The following INPP5A variants were observed in gnomAD, a reference collection of about 807,000 sequenced individuals.
The protein encoded by INPP5A is inositol polyphosphate-5-phosphatase A, also known as 43 kDa inositol polyphosphate 5-phophatase.
Under a neutral mutation model 65.2 loss-of-function variants are expected in INPP5A, and 14 were observed. The observed-to-expected ratio is 0.21, with a 90% CI of 0.14 to 0.34. INPP5A has a LOEUF of 0.34. Ranked by LOEUF, INPP5A falls within the 10% of genes least tolerant of loss-of-function variation. INPP5A has a pLI of 1.00. For missense variants in INPP5A, 431 were observed against 545.6 expected (o/e 0.79, Z 2.09); for synonymous variants, 207 against 208.3 (o/e 0.99, Z 0.05).
At chr10:132,609,429 G>A (rs1027776364) in intron 2 of INPP5A, among the ~76,000 whole-genome samples, 4 of 152,096 alleles carry the variant, frequency 2.6e-5, no homozygotes, top group Admixed American at 1.3e-4. Flanking sequence ...GTCTTGCTGC[G>A]TGTGCCTGTC....
Position 132,782,116 on chromosome 10 carries a change from G to C in INPP5A, c.*87G>C. ...GACCGAATACGCACTCTTGAAAGCTGCATCGAGAACCCGCCCAAGCGCCAC... is the reference window on the plus strand; with the variant it reads ...GACCGAATACGCACTCTTGAAAGCTCCATCGAGAACCCGCCCAAGCGCCAC... On this transcript the variant is annotated 3_prime_UTR_variant, in exon 16 of 16. Coordinates refer to ENST00000368594, the MANE Select transcript of INPP5A (RefSeq NM_005539.5). This position sits in a 1 kb window ranked among gnomAD's most constrained non-coding sequence, Gnocchi z 4.4. 1 of 1,533,142 alleles carries C rather than the reference G, an allele frequency of 6.5e-7. No homozygotes were observed. Among genetic ancestry groups the C allele is most frequent in the Non-Finnish European group, 8.8e-7 (1 of 1,135,746 alleles). 95.0% of individuals were successfully genotyped at this position (1,533,142 alleles called of 1,614,324 possible).
At chr10:132,664,064 G>A (rs541745519) in intron 4 of INPP5A, among the ~76,000 whole-genome samples, 1 of 152,306 alleles carries the variant, frequency 6.6e-6, no homozygotes, top group Non-Finnish European at 1.5e-5. Context: ...AGCATTTTTT[G>A]ACAGAAAATC....
At chr10:132,613,453 C>T (rs1158930964) in intron 2 of INPP5A, among the ~76,000 whole-genome samples, 4 of 152,210 alleles carry the variant, frequency 2.6e-5, no homozygotes, top group African/African-American at 7.2e-5. Flanking sequence ...TTATGAAAGA[C>T]AGTAGAGTCA....
chr10:132,588,471 G>C (rs1021161516), intron 1 of INPP5A, among the ~76,000 whole-genome samples: 23 of 152,212 alleles, frequency 1.5e-4, no homozygotes, highest in African/African-American at 5.5e-4. Context: ...ATTTTTAGCT[G>C]CAATGTATTT....
intron 3 of INPP5A, among the ~76,000 whole-genome samples, chr10:132,649,362 A>T (rs1012914608): frequency 6.6e-6 from 1 of 152,018 alleles, no homozygotes; most frequent in South Asian, 2.1e-4. Context: ...GTTTCTGTTG[A>T]CGGCTTCTTC....
intron 1 of INPP5A, among the ~76,000 whole-genome samples, chr10:132,599,791 G>T (rs550906326): frequency 3.9e-4 from 60 of 152,380 alleles, no homozygotes; most frequent in Middle Eastern, 6.8e-3. Flanking sequence ...CCAAACCTCA[G>T]TTCTTGTCTT....
At position 132,749,499 on chromosome 10, in the gene INPP5A, G is replaced by C. The variant is rs368787333; in HGVS notation, c.733-18G>C. 1 of 1,611,744 alleles carries C rather than the reference G, an allele frequency of 6.2e-7. No homozygotes were observed. The highest frequency in any genetic ancestry group is 2.2e-5 in the East Asian group (1 of 44,876). On this transcript the variant is annotated intron_variant, in intron 9 of 15. Transcript: ENST00000368594. ...GTGGGCCCCCCTGGGACTTATCTCC[G>C]TTGCTGTCTTTCTGCAGACGCTCTG...
chr10:132,581,676 A>G (rs1292161574), intron 1 of INPP5A, among the ~76,000 whole-genome samples: 2 of 152,034 alleles, frequency 1.3e-5, no homozygotes, highest in African/African-American at 4.8e-5. Context: ...TTGACCATTC[A>G]TGTATTTCTT....
At position 132,650,248 on chromosome 10, in the gene INPP5A, G is replaced by A. The variant is rs2072556374; in HGVS notation, c.219-170G>A. On this transcript the variant is annotated intron_variant, in intron 3 of 15. Transcript: ENST00000368594. The surrounding 1 kb of genome is among the most constrained non-coding windows in gnomAD (Gnocchi z 5.5). Reference sequence around the variant, plus strand: ...GCACATGCTGAGAGCTGAACGTGAGGCCAGCTCCTGCGGTGGCTGCCGCCA... The same window carrying A: ...GCACATGCTGAGAGCTGAACGTGAGACCAGCTCCTGCGGTGGCTGCCGCCA... Among the ~76,000 whole-genome samples, 1 of 152,184 alleles carries A rather than the reference G, an allele frequency of 6.6e-6. No individual in the cohort carries two copies. The highest frequency in any genetic ancestry group is 1.5e-5 in the Non-Finnish European group (1 of 68,026).
At chr10:132,766,626 CAT>C (rs1338584489) in intron 12 of INPP5A, among the ~76,000 whole-genome samples, 36 of 152,174 alleles carry the variant, frequency 2.4e-4, no homozygotes, top group African/African-American at 8.0e-4. Context: ...TGAGTGAGAA[CAT>C]GTGTGACGTG....
At chr10:132,628,480 G>A (rs532214255) in intron 2 of INPP5A, among the ~76,000 whole-genome samples, 4 of 127,750 alleles carry the variant, frequency 3.1e-5, no homozygotes, top group Admixed American at 1.6e-4. Flanking sequence ...GGGGGGGGGC[G>A]TGGCGTGGGG....
At chr10:132,685,274 A>G (rs2073100670) in intron 4 of INPP5A, among the ~76,000 whole-genome samples, 1 of 152,182 alleles carries the variant, frequency 6.6e-6, no homozygotes, top group Non-Finnish European at 1.5e-5. Flanking sequence ...ATGCAGTGGC[A>G]GGCTCCACAG....
At chr10:132,754,063 C>T (rs117631045) in intron 11 of INPP5A, 4,822 of 152,356 alleles carry the variant, frequency 0.032, 113 homozygotes, top group Non-Finnish European at 0.049. Context: ...ATTCCGGGGG[C>T]AACAGCCCCC....
Position 132,546,179 on chromosome 10 carries a change from G to A in INPP5A, c.75+8008G>A, listed in dbSNP as rs1223615380. Among the ~76,000 whole-genome samples the A allele has an allele frequency of 3.3e-5, 5 of 152,248 alleles. No individual in the cohort carries two copies. The highest frequency in any genetic ancestry group is 3.3e-4 in the Admixed American group (5 of 15,294). On this transcript the variant is annotated intron_variant, in intron 1 of 15. Transcript: ENST00000368594. The surrounding 1 kb of genome is among the most constrained non-coding windows in gnomAD (Gnocchi z 5.7). The stretch of plus-strand genomic sequence containing the variant: ...GGAAGCCACCAGTCGTCCTGGGTGG[G>A]TTGGGGCTGGACACCACTTCTGGGG...
chr10:132,774,110 G>C lies in INPP5A; in HGVS notation c.978-3561G>C, dbSNP rs1036215819. The stretch of plus-strand genomic sequence containing the variant: ...TGCCGCTTCCTTCTCCCGCTCGGTA[G>C]CTTCAGCATTGCCACAGCTGTAATC... On this transcript the variant is annotated intron_variant, in intron 12 of 15. Coordinates refer to ENST00000368594, the MANE Select transcript of INPP5A (RefSeq NM_005539.5). Among the ~76,000 whole-genome samples the C allele has an allele frequency of 5.3e-5, 8 of 152,310 alleles. No homozygotes were observed. The East Asian group carries it at 1.5e-3, about 29-fold the overall frequency.
chr10:132,765,373 C>T (rs529453282), intron 11 of INPP5A, among the ~76,000 whole-genome samples: 1 of 152,376 alleles, frequency 6.6e-6, no homozygotes, highest in South Asian at 2.1e-4. Context: ...GCTGACATTG[C>T]TCACTCTGCA....
At chr10:132,752,236 C>T (rs113421799) in intron 11 of INPP5A, among the ~76,000 whole-genome samples, 3,454 of 151,926 alleles carry the variant, frequency 0.023, 118 homozygotes, top group African/African-American at 0.078. Flanking sequence ...GCAAAGTCTC[C>T]GGGGACCTTG....
intron 2 of INPP5A, among the ~76,000 whole-genome samples, chr10:132,611,584 G>A: frequency 1.5e-5 from 2 of 135,256 alleles, no homozygotes; most frequent in South Asian, 2.5e-4. Context: ...GGCCCTGTCA[G>A]GGGAGGGTGA....
At chr10:132,543,207 A>G (rs2070927925) in intron 1 of INPP5A, among the ~76,000 whole-genome samples, 1 of 152,180 alleles carries the variant, frequency 6.6e-6, no homozygotes, top group Non-Finnish European at 1.5e-5. Context: ...TTATCACCTC[A>G]AAAAGAAGCT....
Sources: allele counts gnomAD v4.1 joint callset (sites outside exome capture counted in the v4.1 genomes callset), GRCh38; gene constraint gnomAD v4.1.1; non-coding constraint Gnocchi (gnomAD v3.1); transcripts MANE v1.5; gene names NCBI Gene and HGNC (gene_info 2026-07-23, HGNC 2026-07-21).